The following DEAF1 variants were observed in gnomAD, a reference collection of about 807,000 sequenced individuals.
DEAF1 encodes DEAF1 transcription factor.
In DEAF1, 53 loss-of-function variants were observed where a neutral mutation model predicts 58.9. The observed-to-expected ratio is 0.90, with a 90% CI of 0.72 to 1.13. DEAF1 has a LOEUF of 1.13. Among genes scored for constraint, DEAF1 ranks in the 50% most tolerant of loss-of-function variants. The probability of loss-of-function intolerance (pLI) is 0.00; values close to 1 mark genes in which losing one functional copy is unlikely to be tolerated. For missense variants in DEAF1, 685 were observed against 791.4 expected (o/e 0.87, Z 1.61); for synonymous variants, 385 against 340.4 (o/e 1.13, Z -1.44).
rs55670454 is a variant in DEAF1, at chr11:685,082, CTTTTTTT to C, written c.805-126_805-120del. 326 of 358,120 alleles carry C rather than the reference CTTTTTTT, an allele frequency of 9.1e-4. 2 individuals carry two copies. The highest frequency in any genetic ancestry group is 7.4e-3 in the South Asian group (311 of 42,074). 22.2% of individuals were successfully genotyped at this position (358,120 alleles called of 1,614,324 possible). On this transcript the variant is annotated intron_variant, in intron 5 of 11. Transcript: ENST00000382409. ...CCTACCATTCATAAATATAAAAATT[CTTTTTTT>C]TTTTTTTTTTTTTGAGACAGAGTCT...
At chr11:704,713 C>A in intron 1 of DEAF1, 1 of 1,215,290 alleles carries the variant, frequency 8.2e-7, no homozygotes, top group South Asian at 1.3e-5. Context: ...ACAGGGAACG[C>A]CATGGCTCCA....
Position 682,315 on chromosome 11 carries a change from T to C in DEAF1, c.871-1226A>G, listed in dbSNP as rs1440880242. Among the ~76,000 whole-genome samples, 8 of 152,354 alleles carry C rather than the reference T, an allele frequency of 5.3e-5. No homozygotes were observed. The Middle Eastern group carries it at 0.01, about 194-fold the overall frequency. ...GCCAATTAAATTAGGGCTTCTTTAC[T>C]GAGAGGTTCGATCTTGAAGGTCGGT... On this transcript the variant is annotated intron_variant, in intron 6 of 11. Coordinates refer to ENST00000382409, the MANE Select transcript of DEAF1 (RefSeq NM_021008.4).
At chr11:684,666 G>A (rs549988962) in intron 6 of DEAF1, among the ~76,000 whole-genome samples, 28 of 152,294 alleles carry the variant, frequency 1.8e-4, no homozygotes, top group Non-Finnish European at 2.4e-4. Context: ...TTCCACAAAT[G>A]TTCTTTGAGC....
chr11:662,278 G>A (rs775672072), intron 10 of DEAF1, among the ~76,000 whole-genome samples: 2 of 152,102 alleles, frequency 1.3e-5, no homozygotes, highest in South Asian at 2.1e-4. Flanking sequence ...GCAAGATTCC[G>A]TCTCATAAAA....
At chr11:698,795 G>C, upstream of DEAF1, 1 of 1,563,122 alleles carries the variant, frequency 6.4e-7, no homozygotes, top group Non-Finnish European at 8.8e-7. Context: ...GGTGGTTCCT[G>C]TCAGTGTGGA....
intron 5 of DEAF1, among the ~76,000 whole-genome samples, chr11:685,450 T>C (rs573981771): frequency 6.6e-6 from 1 of 152,156 alleles, no homozygotes; most frequent in African/African-American, 2.4e-5. Context: ...ATCCCAGGAC[T>C]TTGAGAGGCC....
intron 4 of DEAF1, 115 bp from the exon 5 acceptor site, chr11:687,112 T>C (rs1860627852): frequency 1.3e-6 from 2 of 1,492,372 alleles, no homozygotes; most frequent in Admixed American, 1.8e-5. Context: ...CAGCGGCTCA[T>C]GTGATCTCAC....
Position 644,500 on chromosome 11 carries a change from G to C in DEAF1, c.*50C>G. 6.8e-7 allele frequency: 1 copy of C among 1,463,730 alleles called. No homozygotes were observed. The highest frequency in any genetic ancestry group is 9.5e-7 in the Non-Finnish European group (1 of 1,053,744). The allele number at this position is 1,463,730 out of a possible 1,614,324, so 90.7% of individuals were successfully genotyped here. A position where few individuals can be genotyped will look rare whatever the true frequency, so the allele number is the denominator to read the frequency against. On this transcript the variant is annotated 3_prime_UTR_variant, in exon 12 of 12. Transcript: ENST00000382409. This position sits in a 1 kb window ranked among gnomAD's most constrained non-coding sequence, Gnocchi z 4.3. ...TCAGGGGGGCCTTCGACCTGCAAAA[G>C]CCTCACAGGAGTGCGAGGGGCCCCA...
intron 11 of DEAF1, among the ~76,000 whole-genome samples, chr11:650,437 A>G (rs1858714437): frequency 6.6e-6 from 1 of 151,594 alleles, no homozygotes; most frequent in Non-Finnish European, 1.5e-5. Flanking sequence ...CCTAAGATCC[A>G]ACCACATTCT....
At chr11:699,106 C>T, upstream of DEAF1, 1 of 555,368 alleles carries the variant, frequency 1.8e-6, no homozygotes, top group Non-Finnish European at 3.2e-6. Flanking sequence ...CACAAAGTGG[C>T]TAAGCACGCC....
chr11:680,343 A>C (rs1860297515), intron 7 of DEAF1, among the ~76,000 whole-genome samples: 1 of 152,176 alleles, frequency 6.6e-6, no homozygotes, highest in South Asian at 2.1e-4. Flanking sequence ...TTTTAGAAAG[A>C]CCTTACTCTA....
intron 1 of DEAF1, 114 bp downstream of exon 1, chr11:694,645 C>CAGGT (rs1474087396): frequency 9.8e-7 from 1 of 1,017,982 alleles, no homozygotes; most frequent in Non-Finnish European, 1.3e-6. Context: ...TCACGTGGAG[C>CAGGT]AGGTGTGAGG....
chr11:701,533 C>G, intron 1 of DEAF1, among the ~76,000 whole-genome samples: 1 of 151,676 alleles, frequency 6.6e-6, no homozygotes, highest in East Asian at 1.9e-4. Context: ...GTCTCAGCCT[C>G]CCGAGTAACT....
upstream of DEAF1, chr11:695,264 A>G: frequency 2.1e-6 from 1 of 466,664 alleles, no homozygotes; most frequent in Non-Finnish European, 3.7e-6. Context: ...CTGCCCGAGT[A>G]GGAGCCGAAC....
chr11:661,040 AC>A (rs1273385898), intron 10 of DEAF1, among the ~76,000 whole-genome samples: 2 of 152,168 alleles, frequency 1.3e-5, no homozygotes, highest in Non-Finnish European at 2.9e-5. Flanking sequence ...TGTCCAACTT[AC>A]GTATTCTTCT....
intron 1 of DEAF1, 122 bp from the exon 2 acceptor site, chr11:691,720 A>G (rs1252630984): frequency 1.3e-6 from 1 of 776,988 alleles, no homozygotes; most frequent in East Asian, 2.7e-5. Flanking sequence ...GTAACCAGGA[A>G]GATCTTAACA....
rs572854454 is a variant in DEAF1, at chr11:656,812, C to A, written c.1504-2761G>T. On this transcript the variant is annotated intron_variant, in intron 10 of 11. Transcript: ENST00000382409. ...GTTGCCTCGCAGGCGCCTCTTCAGC[C>A]TCAGCTGGGACTTTCAACCACTTGG... Among the ~76,000 whole-genome samples the A allele has an allele frequency of 2.0e-5, 3 of 152,368 alleles. 1 individual carries two copies. Among genetic ancestry groups the A allele is most frequent in the African/African-American group, 7.2e-5 (3 of 41,594 alleles).
Position 692,993 on chromosome 11 carries a change from A to G in DEAF1, c.290-1395T>C, listed in dbSNP as rs369377809. ...ACAGTGAGTGCTCAACGCCAGGCCC[A>G]TGGCAGCCCTGGGAGCAGCCGCCCA... On this transcript the variant is annotated intron_variant, in intron 1 of 11. Coordinates refer to ENST00000382409, the MANE Select transcript of DEAF1 (RefSeq NM_021008.4). 8.1e-4 allele frequency among the ~76,000 whole-genome samples: 123 copies of G among 152,290 alleles called. No homozygotes were observed. In the East Asian group the frequency reaches 0.015, roughly 19 times the overall value.
At chr11:670,001 G>A (rs1000501726) in intron 10 of DEAF1, among the ~76,000 whole-genome samples, 16 of 150,306 alleles carry the variant, frequency 1.1e-4, no homozygotes, top group South Asian at 4.2e-4. Context: ...GCATGGTGGC[G>A]CAAGGCTGCA....
Sources: gnomAD v4.1 joint callset for allele counts (sites outside exome capture counted in the v4.1 genomes callset) on GRCh38, gnomAD v4.1.1 for gene constraint, Gnocchi (gnomAD v3.1) non-coding constraint, MANE v1.5 for transcripts, NCBI Gene and HGNC (gene_info 2026-07-23, HGNC 2026-07-21) for gene names.